Variants in DISP1 observed in about 807,000 individuals in gnomAD.
The protein encoded by DISP1 is dispatched RND transporter family member 1.
DISP1 carries 30 observed loss-of-function variants against 37.3 expected under a neutral mutation model. That is an observed-to-expected ratio of 0.80 (90% CI 0.60 to 1.09). The LOEUF is 1.09. Ranked by LOEUF, DISP1 falls within the 50% of genes least tolerant of loss-of-function variation. DISP1 has a pLI of 0.00. For synonymous variants in DISP1, 634 were observed against 690.2 expected, an observed-to-expected ratio of 0.92 and a Z score of 1.28; for missense variants, 1,598 against 1,879.5, an observed-to-expected ratio of 0.85 and a Z score of 2.77.
intron 2 of DISP1, among the ~76,000 whole-genome samples, chr1:222,932,597 AT>A (rs554730335): frequency 3.7e-4 from 56 of 151,924 alleles, no homozygotes; most frequent in Non-Finnish European, 6.9e-4. Context: ...ATTTCACATA[AT>A]TCTCCAAACT....
At chr1:222,896,682 GCT>G (rs879448115) in intron 1 of DISP1, among the ~76,000 whole-genome samples, 8 of 151,984 alleles carry the variant, frequency 5.3e-5, no homozygotes, top group Non-Finnish European at 8.8e-5. Context: ...GTGACAAAGG[GCT>G]TGTATCTAGA....
chr1:222,869,153 A>G (rs1190131771), intron 1 of DISP1, among the ~76,000 whole-genome samples: 1 of 152,148 alleles, frequency 6.6e-6, no homozygotes, highest in Non-Finnish European at 1.5e-5. Context: ...ATAACCCCAA[A>G]TAAGTGTAAA....
At chr1:222,989,139 T>C (rs1678496231) in intron 4 of DISP1, among the ~76,000 whole-genome samples, 1 of 152,232 alleles carries the variant, frequency 6.6e-6, no homozygotes, top group Admixed American at 6.5e-5. Context: ...TAGAGACATA[T>C]AGTAGCTTTT....
At chr1:222,967,186 T>C (rs1676564596) in intron 3 of DISP1, among the ~76,000 whole-genome samples, 1 of 152,168 alleles carries the variant, frequency 6.6e-6, no homozygotes, top group African/African-American at 2.4e-5. Context: ...TCCCCCTTGA[T>C]GTGAAGATGG....
intron 1 of DISP1, among the ~76,000 whole-genome samples, chr1:222,824,329 C>A (rs1285492159): frequency 6.6e-6 from 1 of 152,064 alleles, no homozygotes; most frequent in Non-Finnish European, 1.5e-5. Context: ...TTACAACAAC[C>A]CTTATATAAG....
intron 1 of DISP1, among the ~76,000 whole-genome samples, chr1:222,836,180 A>G (rs1415586515): frequency 1.3e-5 from 2 of 152,152 alleles, no homozygotes; most frequent in Non-Finnish European, 2.9e-5. Context: ...AAACAGCCTT[A>G]AATTATTTTA....
chr1:222,938,796 AGG>A (rs1257777500), intron 2 of DISP1, among the ~76,000 whole-genome samples: 1 of 138,594 alleles, frequency 7.2e-6, no homozygotes, highest in African/African-American at 2.6e-5. Flanking sequence ...CGGGATGAAG[AGG>A]GGGAAGGGAT....
chr1:222,951,850 A>T (rs1247804247), intron 3 of DISP1, among the ~76,000 whole-genome samples: 1 of 152,198 alleles, frequency 6.6e-6, no homozygotes, highest in Non-Finnish European at 1.5e-5. Context: ...GCCATCTTTG[A>T]TCGGTAAGTA....
chr1:222,875,717 C>T (rs1669930681), intron 1 of DISP1, among the ~76,000 whole-genome samples: 1 of 146,532 alleles, frequency 6.8e-6, no homozygotes, highest in African/African-American at 2.5e-5. Context: ...ATCCCAGCTA[C>T]TTGGGAGGCT....
intron 3 of DISP1, among the ~76,000 whole-genome samples, chr1:222,974,445 A>G (rs1413595216): frequency 4.6e-5 from 7 of 152,204 alleles, no homozygotes; most frequent in Non-Finnish European, 8.8e-5. Flanking sequence ...TATTCAATAT[A>G]TGCTACATTT....
At chr1:222,888,452 G>T (rs1443330204) in intron 1 of DISP1, among the ~76,000 whole-genome samples, 15 of 151,952 alleles carry the variant, frequency 9.9e-5, no homozygotes, top group Admixed American at 9.8e-4. Context: ...AATTTTCTTT[G>T]GTATTTTTAT....
At chr1:222,986,248 C>T (rs1291710320) in intron 4 of DISP1, among the ~76,000 whole-genome samples, 1 of 151,796 alleles carries the variant, frequency 6.6e-6, no homozygotes, top group Admixed American at 6.6e-5. Context: ...ACACGGCTTT[C>T]TGCTCAGAGG....
Position 222,991,599 on chromosome 1 carries a change from C to G in DISP1, c.743C>G (p.Ala248Gly). 6.2e-7 allele frequency: 1 copy of G among 1,613,680 alleles called. No homozygotes were observed. The highest frequency in any genetic ancestry group is 8.5e-7 in the Non-Finnish European group (1 of 1,179,690). ...NNMVKNTGYK[A>G]TLANYPFKYA... ...ATGGTGAAAAATACAGGATACAAAGCAACATTAGCAAATTATCCCTTTAAA... is the reference window on the plus strand; with the variant it reads ...ATGGTGAAAAATACAGGATACAAAGGAACATTAGCAAATTATCCCTTTAAA... Residue 248 changes from alanine (A) to glycine (G), a missense_variant, in exon 6 of 9, where the codon GCA (alanine) becomes GGA (glycine). Physicochemically the swap from Ala to Gly is moderately conservative, Grantham distance 60. Coordinates refer to ENST00000675850, the MANE Select transcript of DISP1 (RefSeq NM_001377229.1).
intron 1 of DISP1, among the ~76,000 whole-genome samples, chr1:222,867,871 A>G (rs1040978703): frequency 2.0e-5 from 3 of 152,154 alleles, no homozygotes; most frequent in Non-Finnish European, 4.4e-5. Context: ...AATTGGTTAA[A>G]CTAAGCTTTT....
chr1:222,908,964 G>A (rs2068483), intron 1 of DISP1, among the ~76,000 whole-genome samples: 10,625 of 151,748 alleles, frequency 0.07, 529 homozygotes, highest in East Asian at 0.26. Flanking sequence ...GTACGGTTTG[G>A]GATACACCTT....
chr1:222,989,004 C>T (rs189221997), intron 4 of DISP1, among the ~76,000 whole-genome samples: 1 of 152,150 alleles, frequency 6.6e-6, no homozygotes, highest in South Asian at 2.1e-4. Context: ...TGCACATGCT[C>T]CCTTAAAGCA....
chr1:222,936,333 CAAATG>C (rs1673721147), intron 2 of DISP1, among the ~76,000 whole-genome samples: 2 of 152,004 alleles, frequency 1.3e-5, no homozygotes, highest in African/African-American at 4.8e-5. Flanking sequence ...TGTCTCTTGA[CAAATG>C]AAATTATCAT....
intron 4 of DISP1, among the ~76,000 whole-genome samples, chr1:222,988,847 T>A (rs1470744909): frequency 6.6e-6 from 1 of 152,060 alleles, no homozygotes; most frequent in South Asian, 2.1e-4. Context: ...GAGACAGAGT[T>A]TCACCATGTT....
intron 3 of DISP1, among the ~76,000 whole-genome samples, chr1:222,959,889 T>G (rs1447111084): frequency 1.3e-5 from 2 of 149,510 alleles, no homozygotes; most frequent in African/African-American, 2.4e-5. Flanking sequence ...GACAAGGACA[T>G]TACATAATGG....
Sources: allele counts gnomAD v4.1 joint callset (sites outside exome capture counted in the v4.1 genomes callset), GRCh38; gene constraint gnomAD v4.1.1; transcripts MANE v1.5; gene names NCBI Gene and HGNC (gene_info 2026-07-23, HGNC 2026-07-21).